The following CCDC183 variants were observed in gnomAD, a reference collection of about 807,000 sequenced individuals.
CCDC183 encodes the protein coiled-coil domain containing 183, also known as coiled-coil domain-containing protein 183.
Under a neutral mutation model 65.2 loss-of-function variants are expected in CCDC183, and 63 were observed. The observed-to-expected ratio is 0.97, with a 90% CI of 0.79 to 1.19. The LOEUF (loss-of-function observed/expected upper bound fraction) is 1.19, where lower values mean the gene tolerates loss of function less well. CCDC183 is among the 50% of genes most tolerant of loss of function. The probability of loss-of-function intolerance (pLI) is 0.00; values close to 1 mark genes in which losing one functional copy is unlikely to be tolerated. For synonymous variants in CCDC183, 323 were observed against 276.5 expected, an observed-to-expected ratio of 1.17 and a Z score of -1.67; for missense variants, 769 against 689.3, an observed-to-expected ratio of 1.12 and a Z score of -1.30.
intron 10 of CCDC183, 124 bp from the exon 11 acceptor site, chr9:136,806,380 C>T (rs1222260722): frequency 1.4e-6 from 2 of 1,417,204 alleles, no homozygotes; most frequent in African/African-American, 2.8e-5. Flanking sequence ...TCCACTTGCA[C>T]ACACCTGAGC....
At chr9:136,802,579 C>A in intron 5 of CCDC183, 85 bp from the exon 6 acceptor site, 1 of 1,527,344 alleles carries the variant, frequency 6.5e-7, no homozygotes, top group South Asian at 1.3e-5. Flanking sequence ...TATCACTGTT[C>A]TCAGGGCTCT....
chr9:136,799,518 A>G lies in CCDC183; in HGVS notation c.193-195A>G, dbSNP rs1246492465. On this transcript the variant is annotated intron_variant, in intron 2 of 13. Coordinates refer to ENST00000338005, the MANE Select transcript of CCDC183 (RefSeq NM_001039374.5). ...AGGGGACACCCAGGCCCTCCTCTGC[A>G]TACCCCCCTACCACGTCGCCTCCGA... is the stretch of plus-strand genomic sequence containing the variant. 4 of 668,696 alleles carry G rather than the reference A, an allele frequency of 6.0e-6. No homozygotes were observed. The East Asian group carries it at 8.3e-5, about 14-fold the overall frequency. 41.4% of individuals were successfully genotyped at this position (668,696 alleles called of 1,614,324 possible).
At position 136,806,798 on chromosome 9, in the gene CCDC183, G is replaced by T; in HGVS notation, c.1320G>T (p.Lys440Asn). 1.2e-6 allele frequency: 2 copies of T among 1,613,674 alleles called. No individual in the cohort carries two copies. The highest frequency in any genetic ancestry group is 1.7e-6 in the Non-Finnish European group (2 of 1,180,034). ...CCAACACCCTCGATTTGAACAGCAAGCTGGCGTACTGCGAGGGGAAGCTCA... is the reference window on the plus strand; with the variant it reads ...CCAACACCCTCGATTTGAACAGCAATCTGGCGTACTGCGAGGGGAAGCTCA... Reference protein sequence around the residue: ...VLSNTLDLNSKLAYCEGKLTY... With the variant: ...VLSNTLDLNSNLAYCEGKLTY... Residue 440 changes from lysine to asparagine, a missense_variant, in exon 12 of 14, where the codon AAG (lysine) becomes AAT (asparagine). By Grantham distance (94) the Lys-to-Asn change is moderately conservative. Coordinates refer to ENST00000338005, the MANE Select transcript of CCDC183 (RefSeq NM_001039374.5).
chr9:136,804,901 T>A lies in CCDC183; in HGVS notation c.847+85T>A. On this transcript the variant is annotated intron_variant, in intron 8 of 13. Transcript: ENST00000338005. This position sits in a 1 kb window ranked among gnomAD's most constrained non-coding sequence, Gnocchi z 4.1. ...TTCAGGCCAACGGATCAAGTCACCC[T>A]GAGGCCAGGTGTGACATGTGGTCGC... 1 of 1,184,402 alleles carries A rather than the reference T, an allele frequency of 8.4e-7. No individual in the cohort carries two copies. 73.4% of individuals were successfully genotyped at this position (1,184,402 alleles called of 1,614,324 possible).
intron 5 of CCDC183, among the ~76,000 whole-genome samples, chr9:136,801,317 C>T (rs1259817696): frequency 1.3e-5 from 2 of 151,836 alleles, no homozygotes; most frequent in Non-Finnish European, 2.9e-5. Context: ...GGGCCCACCC[C>T]TCTCCCCACC....
At position 136,806,519 on chromosome 9, in the gene CCDC183, G is replaced by A; in HGVS notation, c.1125G>A (p.Glu375=). The change falls in exon 11 of 14, where the codon GAG becomes GAA. Residue 375 remains glutamate (E), a synonymous_variant. Coordinates refer to ENST00000338005, the MANE Select transcript of CCDC183 (RefSeq NM_001039374.5). ...CCTTCTGCAGCTTCAAGTCCGTTGA[G>A]AAGAAAATGACAGACATGCTAAAAG... The part of the protein sequence containing the change: ...KPSSISFKSV[E]KKMTDMLKEE... 1 of 1,613,472 alleles carries A rather than the reference G, an allele frequency of 6.2e-7. No homozygotes were observed.
intron 5 of CCDC183, among the ~76,000 whole-genome samples, chr9:136,801,932 C>T (rs531964248): frequency 2.6e-5 from 4 of 152,016 alleles, no homozygotes; most frequent in Admixed American, 2.0e-4. Context: ...GAATTACAGG[C>T]GCCCACTACC....
At chr9:136,796,518 G>C in intron 1 of CCDC183, 51 bp downstream of exon 1, 4 of 1,326,924 alleles carry the variant, frequency 3.0e-6, no homozygotes, top group Non-Finnish European at 4.2e-6. Flanking sequence ...GGGGGTTTCT[G>C]GGTGCACAAC....
At position 136,804,609 on chromosome 9, in the gene CCDC183, C is replaced by A. The variant is rs760416542; in HGVS notation, c.774C>A (p.Thr258=). Residue 258 remains threonine (T), a synonymous_variant, in exon 7 of 14, where the codon ACC becomes ACA. Transcript: ENST00000338005. The surrounding 1 kb of genome is among the most constrained non-coding windows in gnomAD (Gnocchi z 4.1). ...KLIDKIHTKE[T]SEKYRRGQMD... Reference sequence around the variant, plus strand: ...TCGACAAGATCCACACGAAGGAGACCAGCGAGAAGTACCGCCGGGTAAGCC... The same window carrying A: ...TCGACAAGATCCACACGAAGGAGACAAGCGAGAAGTACCGCCGGGTAAGCC... 1 of 1,613,710 alleles carries A rather than the reference C, an allele frequency of 6.2e-7. No individual in the cohort carries two copies. Among genetic ancestry groups the A allele is most frequent in the South Asian group, 1.1e-5 (1 of 91,082 alleles).
At chr9:136,802,511 C>T (rs1262732648) in intron 5 of CCDC183, among the ~76,000 whole-genome samples, 153 bp from the exon 6 acceptor site, 2 of 152,254 alleles carry the variant, frequency 1.3e-5, no homozygotes, top group African/African-American at 2.4e-5. Flanking sequence ...AAACACCTTT[C>T]ATCACCGTTG....
intron 5 of CCDC183, among the ~76,000 whole-genome samples, chr9:136,802,254 TC>T (rs1423920795): frequency 1.3e-5 from 2 of 152,208 alleles, no homozygotes; most frequent in Non-Finnish European, 2.9e-5. Context: ...TAAGTAACTT[TC>T]CCAATGTCAC....
Position 136,800,436 on chromosome 9 carries a change from C to G in CCDC183, c.486C>G (p.Ile162Met). The G allele has an allele frequency of 6.2e-7, 1 of 1,613,012 alleles. No individual in the cohort carries two copies. The highest frequency in any genetic ancestry group is 8.5e-7 in the Non-Finnish European group (1 of 1,179,584). The change falls in exon 5 of 14, where the codon ATC (isoleucine) becomes ATG (methionine). Residue 162 changes from isoleucine (I) to methionine (M), a missense_variant. By Grantham distance (10) the Ile-to-Met change is conservative (BLOSUM62 1). Transcript: ENST00000338005. ...ACATCGAGAAGACAATGATCAAGAT[C>G]ATCACCAGCCAGAACATCCACCTGC... is the stretch of plus-strand genomic sequence containing the variant. Reference protein sequence around the residue: ...ENNIEKTMIKIITSQNIHLLY... With the variant: ...ENNIEKTMIKMITSQNIHLLY...
chr9:136,797,028 C>T (rs892057999), intron 1 of CCDC183, among the ~76,000 whole-genome samples: 4 of 152,144 alleles, frequency 2.6e-5, no homozygotes, highest in Non-Finnish European at 4.4e-5. Context: ...GTCTCCTGCT[C>T]GTCCCTGGGA....
chr9:136,800,808 T>G, intron 5 of CCDC183: 1 of 296,800 alleles, frequency 3.4e-6, no homozygotes, highest in South Asian at 3.4e-5. Context: ...TCCTGCACCC[T>G]CAGAAAGTCC....
rs376213627 is a variant in CCDC183, at chr9:136,797,486, G to A, written c.70+1019G>A. Among the ~76,000 whole-genome samples, 4 of 151,016 alleles carry A rather than the reference G, an allele frequency of 2.6e-5. No individual in the cohort carries two copies. In the East Asian group the frequency reaches 5.8e-4, roughly 22 times the overall value. On this transcript the variant is annotated intron_variant, in intron 1 of 13. Coordinates refer to ENST00000338005, the MANE Select transcript of CCDC183 (RefSeq NM_001039374.5). ...TGGAGTCTTGCTCTGTTGCCCAGAC[G>A]GCAGTGCAGTGGCGCGATCTCGGCT...
chr9:136,807,061 T>C lies in CCDC183; in HGVS notation c.1481T>C (p.Met494Thr). ...RISFENREED[M>T]IDTFQFPDMD... ...AGCTTTGAGAACCGGGAGGAGGATA[T>C]GATCGGTACAGGCCCCGGAACTGGG... is the stretch of plus-strand genomic sequence containing the variant. The change falls in exon 13 of 14, where the codon ATG becomes ACG. Residue 494 changes from methionine to threonine, a missense_variant. Physicochemically the swap from Met to Thr is moderately conservative, Grantham distance 81 (BLOSUM62 -1). Coordinates refer to ENST00000338005, the MANE Select transcript of CCDC183 (RefSeq NM_001039374.5). The C allele has an allele frequency of 1.2e-6, 2 of 1,612,674 alleles. No homozygotes were observed. Among genetic ancestry groups the C allele is most frequent in the Non-Finnish European group, 1.7e-6 (2 of 1,179,850 alleles).
At chr9:136,803,298 G>A (rs144113814) in intron 6 of CCDC183, among the ~76,000 whole-genome samples, 7 of 151,200 alleles carry the variant, frequency 4.6e-5, no homozygotes, top group East Asian at 4.0e-4. Context: ...CCCCCAGGGC[G>A]GGCTCTCTTG....
chr9:136,807,646 C>T lies in CCDC183; in HGVS notation c.1561C>T (p.Leu521=), dbSNP rs765992841. ...RAEIKRQAQR[L]IEGKLKAAKK... is the part of the protein sequence containing the mutation. ...CGAGATCAAGAGGCAGGCGCAGCGGCTAATCGAGGGGAAGCTCAAGGCGGC... is the reference window on the plus strand; with the variant it reads ...CGAGATCAAGAGGCAGGCGCAGCGGTTAATCGAGGGGAAGCTCAAGGCGGC... Residue 521 remains leucine, a synonymous_variant, in exon 14 of 14, where the codon CTA becomes TTA. Coordinates refer to ENST00000338005, the MANE Select transcript of CCDC183 (RefSeq NM_001039374.5). The T allele has an allele frequency of 6.2e-7, 1 of 1,603,878 alleles. No individual in the cohort carries two copies. The highest frequency in any genetic ancestry group is 8.5e-7 in the Non-Finnish European group (1 of 1,175,834).
intron 10 of CCDC183, 109 bp downstream of exon 10, chr9:136,806,347 G>A: frequency 7.2e-7 from 1 of 1,395,258 alleles, no homozygotes; most frequent in South Asian, 1.3e-5. Context: ...AAGCCTGTGT[G>A]TCCCACAGAG....
Sources: gnomAD v4.1 joint callset for allele counts (sites outside exome capture counted in the v4.1 genomes callset) on GRCh38, gnomAD v4.1.1 for gene constraint, Gnocchi (gnomAD v3.1) non-coding constraint, MANE v1.5 for transcripts, NCBI Gene and HGNC (gene_info 2026-07-23, HGNC 2026-07-21) for gene names.